The following EBF1 variants were observed in gnomAD, a reference collection of about 807,000 sequenced individuals.
EBF1 encodes the protein EBF transcription factor 1, also known as transcription factor COE1.
EBF1 carries 10 observed loss-of-function variants against 68.4 expected under a neutral mutation model. The observed-to-expected ratio is 0.15, with a 90% CI of 0.09 to 0.25. The LOEUF (loss-of-function observed/expected upper bound fraction) is 0.25, where lower values mean the gene tolerates loss of function less well. EBF1 is among the 10% of genes least tolerant of loss of function. EBF1 has a pLI of 1.00. For synonymous variants in EBF1, 298 were observed against 299.8 expected (o/e 0.99, Z 0.06); for missense variants, 509 against 794.4 (o/e 0.64, Z 4.32).
chr5:158,703,268 G>A (rs1046021118), intron 15 of EBF1, among the ~76,000 whole-genome samples: 4 of 152,202 alleles, frequency 2.6e-5, no homozygotes, highest in African/African-American at 9.7e-5. Context: ...CTGGGACCAG[G>A]ATTTATCAAT....
intron 6 of EBF1, among the ~76,000 whole-genome samples, chr5:158,922,521 GA>G (rs1306952562): frequency 1.3e-5 from 2 of 152,190 alleles, no homozygotes; most frequent in African/African-American, 2.4e-5. Flanking sequence ...ATAACAAAGA[GA>G]ATTAATGCAT....
intron 6 of EBF1, among the ~76,000 whole-genome samples, chr5:158,940,674 C>A (rs1813049414): frequency 6.6e-6 from 1 of 150,596 alleles, no homozygotes; most frequent in African/African-American, 2.4e-5. Context: ...TTCATACAGG[C>A]CACCTTATCC....
intron 5 of EBF1, chr5:159,073,729 C>T: frequency 2.1e-6 from 1 of 472,932 alleles, no homozygotes; most frequent in Non-Finnish European, 3.8e-6. Context: ...GATGGGGTCT[C>T]CCCATGACTG....
chr5:158,990,244 A>G (rs1760025338), intron 6 of EBF1, among the ~76,000 whole-genome samples: 1 of 152,190 alleles, frequency 6.6e-6, no homozygotes, highest in Admixed American at 6.5e-5. Flanking sequence ...CACTGTGGGG[A>G]CATCCCAGGG....
At chr5:159,030,873 G>A (rs1314106676) in intron 6 of EBF1, among the ~76,000 whole-genome samples, 3 of 152,096 alleles carry the variant, frequency 2.0e-5, no homozygotes, top group African/African-American at 4.8e-5. Flanking sequence ...TTGTGGGGCC[G>A]TGAAGTATGA....
At chr5:158,832,926 C>T (rs915245575) in intron 7 of EBF1, among the ~76,000 whole-genome samples, 1 of 152,096 alleles carries the variant, frequency 6.6e-6, no homozygotes, top group Non-Finnish European at 1.5e-5. Flanking sequence ...CTTTACTATC[C>T]AAATGACTAA....
chr5:158,976,818 T>G (rs943217194), intron 6 of EBF1, among the ~76,000 whole-genome samples: 3 of 152,252 alleles, frequency 2.0e-5, no homozygotes, highest in African/African-American at 7.2e-5. Context: ...TTTGTATTTT[T>G]ATCTGTATGG....
intron 6 of EBF1, among the ~76,000 whole-genome samples, chr5:159,073,152 G>T (rs1778129158): frequency 1.3e-5 from 2 of 152,108 alleles, no homozygotes; most frequent in African/African-American, 4.8e-5. Context: ...AGTCAGGAAA[G>T]AAAAAATATA....
At chr5:158,717,657 T>G (rs1761040684) in intron 11 of EBF1, among the ~76,000 whole-genome samples, 1 of 152,066 alleles carries the variant, frequency 6.6e-6, no homozygotes, top group South Asian at 2.1e-4. Context: ...AAATCCCTTT[T>G]GGGAATTAAA....
intron 6 of EBF1, among the ~76,000 whole-genome samples, chr5:158,936,430 A>G (rs557244929): frequency 6.6e-5 from 10 of 152,354 alleles, no homozygotes; most frequent in African/African-American, 2.4e-4. Flanking sequence ...TGTAAAGGTA[A>G]TAATAGTACC....
intron 6 of EBF1, among the ~76,000 whole-genome samples, chr5:159,039,573 G>A (rs1770771747): frequency 6.6e-6 from 1 of 152,096 alleles, no homozygotes; most frequent in Non-Finnish European, 1.5e-5. Context: ...TTTTAAGAAA[G>A]AAAGAAACAG....
chr5:158,699,431 T>G (rs1756282188), intron 15 of EBF1, among the ~76,000 whole-genome samples: 1 of 152,234 alleles, frequency 6.6e-6, no homozygotes, highest in South Asian at 2.1e-4. Context: ...GAAAGTTGCA[T>G]AGTTTGAATA....
At chr5:159,076,745 T>C (rs533816930) in intron 5 of EBF1, among the ~76,000 whole-genome samples, 1 of 152,366 alleles carries the variant, frequency 6.6e-6, no homozygotes, top group African/African-American at 2.4e-5. Flanking sequence ...GCTTCTGTTC[T>C]GCACCTCAAA....
intron 9 of EBF1, 135 bp from the exon 10 acceptor site, chr5:158,777,674 C>A (rs1292944096): frequency 3.4e-6 from 3 of 882,962 alleles, no homozygotes; most frequent in Non-Finnish European, 4.8e-6. Flanking sequence ...CTTGATGGAA[C>A]CTGCGTGAAA....
intron 6 of EBF1, among the ~76,000 whole-genome samples, chr5:159,045,492 TA>T (rs969085127): frequency 1.3e-5 from 2 of 151,892 alleles, no homozygotes; most frequent in African/African-American, 4.8e-5. Flanking sequence ...TTCATTGCAT[TA>T]AAAAAAAGAT....
intron 6 of EBF1, among the ~76,000 whole-genome samples, chr5:158,923,233 AT>A (rs886591024): frequency 6.6e-6 from 1 of 152,092 alleles, no homozygotes; most frequent in African/African-American, 2.4e-5. Flanking sequence ...TGGGGGTAAA[AT>A]TTTTTTAAAG....
At chr5:159,029,988 G>A (rs10072351) in intron 6 of EBF1, among the ~76,000 whole-genome samples, 1,938 of 151,088 alleles carry the variant, frequency 0.013, 40 homozygotes, top group African/African-American at 0.044. Flanking sequence ...ATATGAATAT[G>A]TTCATCAGTA....
chr5:158,811,821 C>T (rs555229554), intron 8 of EBF1, among the ~76,000 whole-genome samples: 2 of 152,250 alleles, frequency 1.3e-5, no homozygotes, highest in Admixed American at 6.5e-5. Context: ...GGATCTCAGA[C>T]CTAACCTACC....
chr5:158,937,071 C>A (rs1812173907), intron 6 of EBF1, among the ~76,000 whole-genome samples: 1 of 150,980 alleles, frequency 6.6e-6, no homozygotes, highest in Non-Finnish European at 1.5e-5. Flanking sequence ...TCTCGGTGGC[C>A]TAAATTCATG....
Sources: allele counts gnomAD v4.1 joint callset (sites outside exome capture counted in the v4.1 genomes callset), GRCh38; gene constraint gnomAD v4.1.1; transcripts MANE v1.5; gene names NCBI Gene and HGNC (gene_info 2026-07-23, HGNC 2026-07-21).